The following FECH variants were observed in gnomAD, a reference collection of about 807,000 sequenced individuals.
FECH encodes the protein ferrochelatase, mitochondrial.
FECH carries 40 observed loss-of-function variants against 56.9 expected under a neutral mutation model. That is an observed-to-expected ratio of 0.70 (90% CI 0.55 to 0.92). The LOEUF (loss-of-function observed/expected upper bound fraction) is 0.92. FECH is among the 40% of genes least tolerant of loss of function. The probability of loss-of-function intolerance (pLI) is 0.00; values close to 1 mark genes in which losing one functional copy is unlikely to be tolerated. For synonymous variants in FECH, 175 were observed against 198.6 expected, an observed-to-expected ratio of 0.88 and a Z score of 1.00; for missense variants, 431 against 529.1, an observed-to-expected ratio of 0.81 and a Z score of 1.82.
intron 2 of FECH, among the ~76,000 whole-genome samples, chr18:57,575,266 C>G (rs954126960): frequency 2.0e-5 from 3 of 152,094 alleles, no homozygotes; most frequent in Non-Finnish European, 4.4e-5. Context: ...AAATAACCAG[C>G]CTGAAGTTTA....
At chr18:57,584,394 C>A (rs1404476456) in intron 1 of FECH, among the ~76,000 whole-genome samples, 2 of 148,718 alleles carry the variant, frequency 1.3e-5, no homozygotes, top group Admixed American at 1.3e-4. Context: ...AATAGGTGAT[C>A]ATTCAGAAGT....
At chr18:57,561,036 A>G (rs1429675883) in intron 6 of FECH, among the ~76,000 whole-genome samples, 1 of 152,038 alleles carries the variant, frequency 6.6e-6, no homozygotes, top group Non-Finnish European at 1.5e-5. Context: ...CGAAACCAAT[A>G]TTTTCTGGTC....
intron 4 of FECH, among the ~76,000 whole-genome samples, chr18:57,567,006 CAG>C (rs1277597558): frequency 6.6e-6 from 1 of 151,680 alleles, no homozygotes; most frequent in Non-Finnish European, 1.5e-5. Context: ...GATAAGGAAA[CAG>C]AGACTCTGAA....
chr18:57,551,312 T>C lies in FECH; in HGVS notation c.1137+3A>G, dbSNP rs202147607. Reference sequence around the variant, plus strand: ...ACTAAAACGATTGTAACACTGTAGATACCTTAGAGAACAATGGATTTCCAT... The same window carrying C: ...ACTAAAACGATTGTAACACTGTAGACACCTTAGAGAACAATGGATTTCCAT... On this transcript the variant is annotated splice_donor_region_variant and intron_variant, in intron 10 of 10. Coordinates refer to ENST00000262093, the MANE Select transcript of FECH (RefSeq NM_000140.5). 2.5e-6 allele frequency: 4 copies of C among 1,603,560 alleles called. No individual in the cohort carries two copies. Among genetic ancestry groups the C allele is most frequent in the Non-Finnish European group, 3.4e-6 (4 of 1,170,496 alleles).
rs564014182 is a variant in FECH, at chr18:57,566,413, A to G, written c.598+34T>C. 3.7e-6 allele frequency: 6 copies of G among 1,614,004 alleles called. No individual in the cohort carries two copies. The East Asian group carries it at 8.9e-5, about 24-fold the overall frequency. ...CCTTGGTTATTTTTGCCAGCACCGT[A>G]TCTACCTTTCCACTGTCAGAGAGAT... On this transcript the variant is annotated intron_variant, in intron 5 of 10. Transcript: ENST00000262093.
At chr18:57,574,545 A>G (rs1053288227) in intron 2 of FECH, among the ~76,000 whole-genome samples, 1 of 152,240 alleles carries the variant, frequency 6.6e-6, no homozygotes, top group Admixed American at 6.5e-5. Context: ...CTGGAAACTT[A>G]AAAAAACAAA....
In FECH at chr18:57,580,147, T is replaced by G. The variant is rs2051255466; in HGVS notation, c.120A>C (p.Ala40=). The G allele has an allele frequency of 3.7e-6, 6 of 1,614,206 alleles. No individual in the cohort carries two copies. The highest frequency in any genetic ancestry group is 5.1e-6 in the Non-Finnish European group (6 of 1,180,036). ...VCQPWRWKSG[A]AAAAVTTETA... is the part of the protein sequence containing the mutation. ...TTTCTGTGGTGACGGCCGCTGCAGC[T>G]GCACCTGACTTCCACCTCCATGGCT... is the stretch of plus-strand genomic sequence containing the variant. Residue 40 remains alanine, a synonymous_variant, in exon 2 of 11, where the codon GCA becomes GCC. Transcript: ENST00000262093.
rs1555681607 is a variant in FECH, at chr18:57,579,289, A to ATATGTGTGTGTG, written c.194+783_194+784insCACACACACATA. ...TATATATATATGTGTGTGTGTATAT[A>ATATGTGTGTGTG]TGTGTGTGTGTGTGTGTGTGTGTGT... On this transcript the variant is annotated intron_variant, in intron 2 of 10. Coordinates refer to ENST00000262093, the MANE Select transcript of FECH (RefSeq NM_000140.5). Among the ~76,000 whole-genome samples the ATATGTGTGTGTG allele has an allele frequency of 2.2e-3, 315 of 141,994 alleles. 2 individuals are homozygous for ATATGTGTGTGTG. Among genetic ancestry groups the ATATGTGTGTGTG allele is most frequent in the African/African-American group, 7.5e-3 (282 of 37,472 alleles). 93.2% of individuals were successfully genotyped at this position (141,994 alleles called of 152,430 possible). A position where few individuals can be genotyped will look rare whatever the true frequency, so the allele number is the denominator to read the frequency against.
chr18:57,583,866 G>A (rs2051323183), intron 1 of FECH, among the ~76,000 whole-genome samples: 1 of 152,066 alleles, frequency 6.6e-6, no homozygotes, highest in South Asian at 2.1e-4. Context: ...CAGATAAGCA[G>A]CAAAACAGAA....
At chr18:57,572,349 G>A (rs541319563) in intron 3 of FECH, among the ~76,000 whole-genome samples, 1 of 151,934 alleles carries the variant, frequency 6.6e-6, no homozygotes, top group African/African-American at 2.4e-5. Context: ...ACTCATAGGT[G>A]GGAATTGAAC....
At chr18:57,574,297 GT>G (rs1362374392) in intron 2 of FECH, among the ~76,000 whole-genome samples, 1 of 152,112 alleles carries the variant, frequency 6.6e-6, no homozygotes, top group East Asian at 1.9e-4. Context: ...ACTGACTTAA[GT>G]TATTGCTTGC....
In FECH at chr18:57,550,643, A is replaced by G. The variant is rs1026703338; in HGVS notation, c.*69T>C. 240 of 1,595,194 alleles carry G rather than the reference A, an allele frequency of 1.5e-4. No homozygotes were observed. Among genetic ancestry groups the G allele is most frequent in the Non-Finnish European group, 2.0e-4 (236 of 1,164,788 alleles). On this transcript the variant is annotated 3_prime_UTR_variant, in exon 11 of 11. Transcript: ENST00000262093. ...CTTCCTTCCTTGATCTCTAAATAAC[A>G]CCCTCTCCACATCGGAGGTATCTGG...
chr18:57,585,605 C>T (rs2051358197), intron 1 of FECH, among the ~76,000 whole-genome samples: 1 of 152,128 alleles, frequency 6.6e-6, no homozygotes, highest in Non-Finnish European at 1.5e-5. Flanking sequence ...AACAAAGGCA[C>T]GTCTAATGAG....
chr18:57,566,315 G>A lies in FECH; in HGVS notation c.598+132C>T, dbSNP rs987037914. On this transcript the variant is annotated intron_variant, in intron 5 of 10. Transcript: ENST00000262093. ...TTCAAATGGACTGACCTGAACTCTC[G>A]TGTTTAAAGAAGACAGGTTGAATTT... The A allele has an allele frequency of 3.1e-5, 39 of 1,240,712 alleles. No individual in the cohort carries two copies. The South Asian group carries it at 3.8e-4, about 12-fold the overall frequency. The allele number at this position is 1,240,712 out of a possible 1,614,324, so 76.9% of individuals were successfully genotyped here.
rs1484578094 is a variant in FECH, at chr18:57,586,599, T to C, written c.22A>G (p.Met8Val). ...CCCGCGGCGCGCAGGGCCGCAGCCA[T>C]GTTTGCGCCGAGTGAACGCATTGCC... MRSLGAN[M>V]AAALRAAGVL... Residue 8 changes from methionine to valine, a missense_variant, in exon 1 of 11, where the codon ATG becomes GTG. By Grantham distance (21) the Met-to-Val change is conservative (BLOSUM62 1). Transcript: ENST00000262093. 2.6e-6 allele frequency: 4 copies of C among 1,523,652 alleles called. No individual in the cohort carries two copies. Among genetic ancestry groups the C allele is most frequent in the African/African-American group, 1.4e-5 (1 of 70,140 alleles). 94.4% of individuals were successfully genotyped at this position (1,523,652 alleles called of 1,614,324 possible).
chr18:57,583,085 G>T (rs2051310538), intron 1 of FECH, among the ~76,000 whole-genome samples: 2 of 152,150 alleles, frequency 1.3e-5, no homozygotes, highest in African/African-American at 4.8e-5. Flanking sequence ...AGAGGAGAAT[G>T]ATGTCGCTGC....
chr18:57,573,367 T>A lies in FECH; in HGVS notation c.195-2A>T. On this transcript the variant is annotated splice_acceptor_variant, in intron 2 of 10. Coordinates refer to ENST00000262093, the MANE Select transcript of FECH (RefSeq NM_000140.5). LOFTEE classifies it high-confidence loss of function. ...ATTAATATTCCAGTTTTCGGCTTCC[T>A]ATATAAAATAAAATACAACGGTTGA... is the stretch of plus-strand genomic sequence containing the variant. 1 of 1,614,118 alleles carries A rather than the reference T, an allele frequency of 6.2e-7. No individual in the cohort carries two copies. Among genetic ancestry groups the A allele is most frequent in the Non-Finnish European group, 8.5e-7 (1 of 1,179,982 alleles).
At chr18:57,581,342 C>T (rs1243356423) in intron 1 of FECH, among the ~76,000 whole-genome samples, 1 of 152,190 alleles carries the variant, frequency 6.6e-6, no homozygotes, top group Non-Finnish European at 1.5e-5. Flanking sequence ...ATGTGCCATA[C>T]TCAGCTGTCA....
At chr18:57,585,714 G>C (rs1599021362) in intron 1 of FECH, 1 of 152,208 alleles carries the variant, frequency 6.6e-6, no homozygotes, top group Admixed American at 6.5e-5. Context: ...TCACCGTTCG[G>C]ATGCATTGAA....
Sources: gnomAD v4.1 joint callset for allele counts (sites outside exome capture counted in the v4.1 genomes callset) on GRCh38, gnomAD v4.1.1 for gene constraint, MANE v1.5 for transcripts, NCBI Gene and HGNC (gene_info 2026-07-23, HGNC 2026-07-21) for gene names.